The following TMEM132D variants were observed in gnomAD, a reference collection of about 807,000 sequenced individuals.
TMEM132D encodes transmembrane protein 132D, also known as mature OL transmembrane protein.
A neutral mutation model predicts 62.3 loss-of-function variants in TMEM132D; 21 were observed. The ratio of observed to expected loss-of-function variants is 0.34; its 90% confidence interval spans 0.24 to 0.49. The LOEUF (loss-of-function observed/expected upper bound fraction) is 0.49. Among genes scored for constraint, TMEM132D ranks in the 20% least tolerant of loss-of-function variants. TMEM132D has a pLI of 0.99. For synonymous variants in TMEM132D, 621 were observed against 575.6 expected (o/e 1.08, Z -1.13); for missense variants, 1,346 against 1,402.8 (o/e 0.96, Z 0.65).
intron 4 of TMEM132D, among the ~76,000 whole-genome samples, chr12:129,236,738 C>T (rs562935672): frequency 1.3e-5 from 2 of 152,008 alleles, no homozygotes; most frequent in South Asian, 4.1e-4. Flanking sequence ...CACTTCATTG[C>T]TCTAGCTAGG....
chr12:129,840,320 A>G (rs1873153073), intron 1 of TMEM132D: 1 of 151,548 alleles, frequency 6.6e-6, no homozygotes, highest in Non-Finnish European at 1.5e-5. Context: ...CCCCTCCCCC[A>G]CTATGGCCCC....
intron 3 of TMEM132D, among the ~76,000 whole-genome samples, chr12:129,473,583 G>C (rs981419947): frequency 3.3e-5 from 5 of 152,010 alleles, no homozygotes; most frequent in Admixed American, 1.3e-4. Context: ...TGCCCGCCTC[G>C]GCCTCCCAAA....
At chr12:129,285,903 T>C (rs1343901407) in intron 4 of TMEM132D, among the ~76,000 whole-genome samples, 1 of 152,204 alleles carries the variant, frequency 6.6e-6, no homozygotes, top group Non-Finnish European at 1.5e-5. Flanking sequence ...CTAGATTTGC[T>C]TTAGTCACAG....
chr12:129,229,790 T>G (rs1879586351), intron 4 of TMEM132D, among the ~76,000 whole-genome samples: 1 of 152,222 alleles, frequency 6.6e-6, no homozygotes, highest in Non-Finnish European at 1.5e-5. Context: ...TTTTTTAACC[T>G]GCAAGCCACA....
At chr12:129,798,995 G>A (rs887483732) in intron 1 of TMEM132D, among the ~76,000 whole-genome samples, 1 of 152,252 alleles carries the variant, frequency 6.6e-6, no homozygotes, top group African/African-American at 2.4e-5. Context: ...GCCGGACGCA[G>A]TGGCTCACGC....
intron 2 of TMEM132D, among the ~76,000 whole-genome samples, chr12:129,628,920 A>C (rs543184244): frequency 1.4e-4 from 19 of 140,738 alleles, no homozygotes; most frequent in Middle Eastern, 3.6e-3. Context: ...CTTCATTTCT[A>C]TCTCTCTTTC....
Position 129,526,778 on chromosome 12 carries a change from C to T in TMEM132D, c.1115+4281G>A, listed in dbSNP as rs568740569. 5.3e-5 allele frequency among the ~76,000 whole-genome samples: 8 copies of T among 152,238 alleles called. No homozygotes were observed. In the East Asian group the frequency reaches 1.5e-3, roughly 29 times the overall value. ...AAAGAGTCAACACAGTTAAGAAGAC[C>T]CTTTTCTGTCTTTTCTTTTGCCTGC... On this transcript the variant is annotated intron_variant, in intron 3 of 8. Transcript: ENST00000422113.
rs1031651101 is a variant in TMEM132D at position 129,760,599 on chromosome 12, A to G, written c.80-59901T>C. Among the ~76,000 whole-genome samples the G allele has an allele frequency of 2.7e-5, 4 of 149,822 alleles. No individual in the cohort carries two copies. In the East Asian group the frequency reaches 5.9e-4, roughly 22 times the overall value. ...CTGAGTTCCGGATCCGCCTGCCTCA[A>G]GCCTCCTGAAGTACTGGGATTACAG... On this transcript the variant is annotated intron_variant, in intron 1 of 8. Coordinates refer to ENST00000422113, the MANE Select transcript of TMEM132D (RefSeq NM_133448.3).
At chr12:129,282,261 G>A (rs965413866) in intron 4 of TMEM132D, among the ~76,000 whole-genome samples, 5 of 152,132 alleles carry the variant, frequency 3.3e-5, no homozygotes, top group Admixed American at 2.6e-4. Context: ...GTGGGATTGG[G>A]AATATGAGAC....
chr12:129,898,713 C>A (rs1051452792), intron 1 of TMEM132D, among the ~76,000 whole-genome samples: 5 of 152,238 alleles, frequency 3.3e-5, no homozygotes, highest in African/African-American at 1.2e-4. Flanking sequence ...CTGTGTAATT[C>A]ACATGTTCCC....
chr12:129,386,229 A>T (rs1288056806), intron 3 of TMEM132D, among the ~76,000 whole-genome samples: 1 of 152,194 alleles, frequency 6.6e-6, no homozygotes, highest in Non-Finnish European at 1.5e-5. Context: ...ATGGAATAAG[A>T]ACAACATAAT....
Position 129,266,427 on chromosome 12 carries a change from C to G in TMEM132D, c.1300-56764G>C, listed in dbSNP as rs550577989. On this transcript the variant is annotated intron_variant, in intron 4 of 8. Coordinates refer to ENST00000422113, the MANE Select transcript of TMEM132D (RefSeq NM_133448.3). ...TCCTCTTCTCTTCTCCTGTTCTGCC[C>G]TTCCCCTCTCTTCCCTTTCTTTTCT... 5.3e-5 allele frequency among the ~76,000 whole-genome samples: 8 copies of G among 150,112 alleles called. No homozygotes were observed. In the South Asian group the frequency reaches 1.5e-3, roughly 28 times the overall value.
intron 1 of TMEM132D, among the ~76,000 whole-genome samples, chr12:129,812,323 G>A (rs1872210904): frequency 6.6e-6 from 1 of 151,688 alleles, no homozygotes; most frequent in South Asian, 2.1e-4. Flanking sequence ...CTGACACCAC[G>A]TGTAACATCA....
chr12:129,366,281 T>C (rs1005749224), intron 3 of TMEM132D, among the ~76,000 whole-genome samples: 4 of 152,244 alleles, frequency 2.6e-5, no homozygotes, highest in Non-Finnish European at 4.4e-5. Context: ...TGAGAGGTGA[T>C]TGGATCATAG....
intron 4 of TMEM132D, among the ~76,000 whole-genome samples, chr12:129,307,975 G>A (rs747464133): frequency 2.0e-5 from 3 of 152,064 alleles, no homozygotes; most frequent in Non-Finnish European, 2.9e-5. Flanking sequence ...CATTTCTCTC[G>A]AACTCATTGC....
chr12:129,549,427 C>T (rs186083912), intron 2 of TMEM132D, among the ~76,000 whole-genome samples: 3 of 151,884 alleles, frequency 2.0e-5, no homozygotes, highest in East Asian at 1.9e-4. Flanking sequence ...GGTTTCCCCC[C>T]TCCTGTTCTC....
intron 3 of TMEM132D, among the ~76,000 whole-genome samples, chr12:129,523,595 G>A (rs1185970292): frequency 6.6e-6 from 1 of 152,086 alleles, no homozygotes; most frequent in African/African-American, 2.4e-5. Context: ...CACGAAAAGT[G>A]GATGTTCAAT....
intron 3 of TMEM132D, among the ~76,000 whole-genome samples, chr12:129,354,602 G>A (rs766241827): frequency 3.3e-4 from 50 of 152,230 alleles, no homozygotes; most frequent in African/African-American, 1.0e-3. Flanking sequence ...GATTACAGGC[G>A]TGAGCCACTG....
chr12:129,865,671 T>C (rs560112166), intron 1 of TMEM132D, among the ~76,000 whole-genome samples: 19 of 152,222 alleles, frequency 1.2e-4, no homozygotes, highest in Admixed American at 2.0e-4. Context: ...GTGTTCAGTC[T>C]GACACACGGA....
Sources: gnomAD v4.1 joint callset for allele counts (sites outside exome capture counted in the v4.1 genomes callset) on GRCh38, gnomAD v4.1.1 for gene constraint, MANE v1.5 for transcripts, NCBI Gene and HGNC (gene_info 2026-07-23, HGNC 2026-07-21) for gene names.